Variants in TRIM33 observed in about 807,000 individuals in gnomAD.
TRIM33 encodes tripartite motif containing 33.
In TRIM33, 20 loss-of-function variants were observed where a neutral mutation model predicts 125.4. The observed-to-expected ratio is 0.16, with a 90% CI of 0.11 to 0.23. TRIM33 has a LOEUF of 0.23. TRIM33 is among the 10% of genes least tolerant of loss of function. TRIM33 has a pLI of 1.00. For synonymous variants in TRIM33, 564 were observed against 513.9 expected (o/e 1.10, Z -1.32); for missense variants, 920 against 1,411.4 (o/e 0.65, Z 5.58).
intron 1 of TRIM33, among the ~76,000 whole-genome samples, chr1:114,497,097 A>G (rs780444131): frequency 6.6e-6 from 1 of 152,220 alleles, no homozygotes; most frequent in Non-Finnish European, 1.5e-5. Flanking sequence ...TAAATTTTAA[A>G]TGTTGTGCTA....
chr1:114,402,644 G>T (rs1473895856), intron 16 of TRIM33, 116 bp downstream of exon 16: 1 of 1,215,922 alleles, frequency 8.2e-7, no homozygotes, highest in Non-Finnish European at 1.1e-6. Context: ...TCAGATGACA[G>T]GATTAAAAAT....
intron 11 of TRIM33, among the ~76,000 whole-genome samples, chr1:114,419,330 C>T (rs78631936): frequency 0.016 from 2,402 of 152,114 alleles, 37 homozygotes; most frequent in Non-Finnish European, 0.023. Context: ...TGAGTGGCCT[C>T]GCGTCATTAA....
intron 1 of TRIM33, among the ~76,000 whole-genome samples, chr1:114,475,018 ATATAGT>A (rs1394164546): frequency 1.3e-5 from 2 of 152,198 alleles, no homozygotes; most frequent in African/African-American, 2.4e-5. Flanking sequence ...TCTCAGGAAG[ATATAGT>A]TATATGCATA....
At chr1:114,466,999 AAAATTGAGGTTCGGAGAGATT>A (rs1311022951) in intron 1 of TRIM33, among the ~76,000 whole-genome samples, 8 of 152,218 alleles carry the variant, frequency 5.3e-5, no homozygotes, top group Admixed American at 2.6e-4. Context: ...TAAAGGTGAA[AAAATTGAGGTTCGGAGAGATT>A]AAGAAACATT....
chr1:114,436,995 G>C (rs2101217792), intron 4 of TRIM33, among the ~76,000 whole-genome samples: 1 of 152,290 alleles, frequency 6.6e-6, no homozygotes, highest in East Asian at 1.9e-4. Flanking sequence ...AGAATTTGAT[G>C]ATGTCAACAT....
chr1:114,400,473 G>A (rs1418590905), intron 17 of TRIM33, among the ~76,000 whole-genome samples: 2 of 152,206 alleles, frequency 1.3e-5, no homozygotes, highest in African/African-American at 4.8e-5. Flanking sequence ...AAAATGATGG[G>A]ATTACAGGCA....
chr1:114,494,990 T>C (rs1652283504), intron 1 of TRIM33, among the ~76,000 whole-genome samples: 2 of 152,130 alleles, frequency 1.3e-5, no homozygotes, highest in Admixed American at 6.5e-5. Context: ...CTCGGCTCAC[T>C]GCAACCTCCA....
chr1:114,398,911 A>AAAAAC lies in TRIM33; in HGVS notation c.3120+541_3120+545dup, dbSNP rs917588607. Among the ~76,000 whole-genome samples, 19 of 148,960 alleles carry AAAAAC rather than the reference A, an allele frequency of 1.3e-4. No homozygotes were observed. The East Asian group carries it at 2.4e-3, about 19-fold the overall frequency. On this transcript the variant is annotated intron_variant, in intron 18 of 19. Coordinates refer to ENST00000358465, the MANE Select transcript of TRIM33 (RefSeq NM_015906.4). Reference sequence around the variant, plus strand: ...CAAACTTACCCTCAAAAAAAAAAAAAAAAACAAAACAAAACAAAACAAAAA... The same window carrying AAAAAC: ...CAAACTTACCCTCAAAAAAAAAAAAAAAAACAAAACAAAACAAAACAAAACAAAAA...
chr1:114,503,104 A>C (rs1652805863), intron 1 of TRIM33, among the ~76,000 whole-genome samples: 1 of 152,228 alleles, frequency 6.6e-6, no homozygotes, highest in South Asian at 2.1e-4. Flanking sequence ...CAAAAACTTA[A>C]GAAGAATATT....
rs552774280 is a variant in TRIM33, at chr1:114,428,620, T to C, written c.1156-726A>G. ...CAAAAATGACTCAAGTTGGTTTTTC[T>C]GGACAATATTTTTCCTAAGGAAAGA... On this transcript the variant is annotated intron_variant, in intron 6 of 19. Coordinates refer to ENST00000358465, the MANE Select transcript of TRIM33 (RefSeq NM_015906.4). Among the ~76,000 whole-genome samples the C allele has an allele frequency of 2.6e-5, 4 of 152,350 alleles. No individual in the cohort carries two copies. In the East Asian group the frequency reaches 5.8e-4, roughly 22 times the overall value.
intron 9 of TRIM33, among the ~76,000 whole-genome samples, chr1:114,425,218 C>T (rs1157757617): frequency 1.3e-5 from 2 of 152,156 alleles, no homozygotes; most frequent in Non-Finnish European, 2.9e-5. Context: ...AACTTACATC[C>T]TTTCAGAGTA....
Position 114,397,589 on chromosome 1 carries a change from G to GTTTTTTTT in TRIM33, c.*51_*58dup, listed in dbSNP as rs66490349. On this transcript the variant is annotated 3_prime_UTR_variant, in exon 20 of 20. Coordinates refer to ENST00000358465, the MANE Select transcript of TRIM33 (RefSeq NM_015906.4). ...CTTAAAAGTTTTCTGGGTTTTTTGT[G>GTTTTTTTT]TTTTTTTTTTTTTTTTCGTTTTTTT... The GTTTTTTTT allele has an allele frequency of 4.7e-6, 3 of 640,656 alleles. No individual in the cohort carries two copies. Among genetic ancestry groups the GTTTTTTTT allele is most frequent in the East Asian group, 3.9e-5 (1 of 25,898 alleles). 39.7% of individuals were successfully genotyped at this position (640,656 alleles called of 1,614,324 possible).
intron 1 of TRIM33, among the ~76,000 whole-genome samples, chr1:114,467,604 CCA>C (rs1557882918): frequency 6.6e-6 from 1 of 152,126 alleles, no homozygotes; most frequent in Non-Finnish European, 1.5e-5. Flanking sequence ...CAACTGCAAA[CCA>C]CAGGAAGTAC....
intron 1 of TRIM33, among the ~76,000 whole-genome samples, chr1:114,492,286 G>T (rs996063934): frequency 1.3e-5 from 2 of 152,010 alleles, no homozygotes; most frequent in Admixed American, 1.3e-4. Flanking sequence ...TAAAACACAT[G>T]ATTTTAAAAT....
In TRIM33 at chr1:114,510,970, G is replaced by C; in HGVS notation, c.107C>G (p.Pro36Arg). The change falls in exon 1 of 20, where the codon CCG becomes CGG. Residue 36 changes from proline to arginine, a missense_variant. Coordinates refer to ENST00000358465, the MANE Select transcript of TRIM33 (RefSeq NM_015906.4). ...CTCCACCAGCACCGCGGTGAGAGGC[G>C]GCTCCGCCTCCTGCGCGGCGGGCCC... ...AAGPAAQEAE[P>R]PLTAVLVEEE... The C allele has an allele frequency of 2.2e-6, 3 of 1,367,562 alleles. No individual in the cohort carries two copies. The highest frequency in any genetic ancestry group is 2.8e-6 in the Non-Finnish European group (3 of 1,060,796). 84.7% of individuals were successfully genotyped at this position (1,367,562 alleles called of 1,614,324 possible). A position where few individuals can be genotyped will look rare whatever the true frequency, so the allele number is the denominator to read the frequency against.
intron 4 of TRIM33, among the ~76,000 whole-genome samples, chr1:114,456,081 C>G (rs1649600666): frequency 6.6e-6 from 1 of 152,188 alleles, no homozygotes; most frequent in South Asian, 2.1e-4. Flanking sequence ...TAGATTAAAA[C>G]TAGAATGTCT....
intron 1 of TRIM33, among the ~76,000 whole-genome samples, chr1:114,476,446 G>A (rs949012646): frequency 6.6e-6 from 1 of 151,868 alleles, no homozygotes; most frequent in Non-Finnish European, 1.5e-5. Context: ...AGACTTAAAT[G>A]TTTAAAAACA....
intron 13 of TRIM33, among the ~76,000 whole-genome samples, chr1:114,407,405 T>A (rs1022857175): frequency 6.6e-6 from 1 of 152,124 alleles, no homozygotes; most frequent in Non-Finnish European, 1.5e-5. Flanking sequence ...TGAAAAGGCC[T>A]AAGAAACAAT....
intron 1 of TRIM33, among the ~76,000 whole-genome samples, chr1:114,482,885 G>T (rs1228061778): frequency 6.6e-6 from 1 of 152,196 alleles, no homozygotes; most frequent in East Asian, 1.9e-4. Context: ...CTGCACAGCA[G>T]GAAGAACCAG....
Sources: gnomAD v4.1 joint callset for allele counts (sites outside exome capture counted in the v4.1 genomes callset) on GRCh38, gnomAD v4.1.1 for gene constraint, MANE v1.5 for transcripts, NCBI Gene and HGNC (gene_info 2026-07-23, HGNC 2026-07-21) for gene names.